ADGRB1: variants seen among roughly 807,000 people sequenced by gnomAD.
The protein encoded by ADGRB1 is brain-specific angiogenesis inhibitor 1.
In ADGRB1, 36 loss-of-function variants were observed where a neutral mutation model predicts 175.7. The ratio of observed to expected loss-of-function variants is 0.20; its 90% CI spans 0.16 to 0.27. The LOEUF is 0.27. ADGRB1 is among the 10% of genes least tolerant of loss of function. The pLI is 1.00. For missense variants in ADGRB1, 1,731 were observed against 2,255.3 expected (o/e 0.77, Z 4.71); for synonymous variants, 1,054 against 979.4 (o/e 1.08, Z -1.42).
At position 142,511,064 on chromosome 8, in the gene ADGRB1, C is replaced by A; in HGVS notation, c.2808C>A (p.Ser936Arg). 1 of 1,205,312 alleles carries A rather than the reference C, an allele frequency of 8.3e-7. No individual in the cohort carries two copies. The highest frequency in any genetic ancestry group is 1.0e-6 in the Non-Finnish European group (1 of 955,436). 74.7% of individuals were successfully genotyped at this position (1,205,312 alleles called of 1,614,324 possible). A position where few individuals can be genotyped will look rare whatever the true frequency, so the allele number is the denominator to read the frequency against. Residue 936 changes from serine (S) to arginine (R), a missense_variant, in exon 18 of 31, where the codon AGC becomes AGA. Physicochemically the swap from Ser to Arg is moderately radical, Grantham distance 110. Around this residue, in one of 8 missense-constraint regions of ADGRB1, gnomAD observed 77 missense variants for 71.6 expected, o/e 1.08. Coordinates refer to ENST00000517894, the MANE Select transcript of ADGRB1 (RefSeq NM_001702.3). This position sits in a 1 kb window ranked among gnomAD's most constrained non-coding sequence, Gnocchi z 4.5. ...LSTFAILAQLSADANMEKATL... is the reference protein window; with the variant it reads ...LSTFAILAQLRADANMEKATL... The stretch of plus-strand genomic sequence containing the variant: ...CCTTCGCCATCTTAGCCCAGCTCAG[C>A]GCCGACGCGGTGAGACCCCGGCCGG...
At chr8:142,477,596 G>A (rs751209519) in intron 6 of ADGRB1, 47 bp downstream of exon 6, 17 of 1,579,978 alleles carry the variant, frequency 1.1e-5, no homozygotes, top group Non-Finnish European at 1.1e-5. Context: ...GGAAGAAAGG[G>A]GAGGTCACAG....
chr8:142,528,029 T>A (rs1394884546), intron 24 of ADGRB1, among the ~76,000 whole-genome samples: 1 of 152,084 alleles, frequency 6.6e-6, no homozygotes, highest in Non-Finnish European at 1.5e-5. Flanking sequence ...GCACCCAGAC[T>A]CGCCTGTGTG....
chr8:142,500,823 G>T (rs1361133099), intron 17 of ADGRB1, among the ~76,000 whole-genome samples: 3 of 152,318 alleles, frequency 2.0e-5, no homozygotes, highest in Non-Finnish European at 2.9e-5. Context: ...GGAAGCAGGG[G>T]GATGGTGGAA....
At chr8:142,457,381 C>T (rs1217683864) in intron 1 of ADGRB1, among the ~76,000 whole-genome samples, 1 of 152,218 alleles carries the variant, frequency 6.6e-6, no homozygotes, top group African/African-American at 2.4e-5. Context: ...AGGGCCCCTT[C>T]TGCCTCAGCC....
chr8:142,491,552 C>T (rs1244293333), intron 17 of ADGRB1, among the ~76,000 whole-genome samples: 2 of 152,346 alleles, frequency 1.3e-5, no homozygotes, highest in Admixed American at 6.5e-5. Flanking sequence ...TAGGCCAGGA[C>T]GTGGGGAGAT....
At chr8:142,481,483 A>G in intron 10 of ADGRB1, 34 bp from the exon 11 acceptor site, 1 of 1,573,432 alleles carries the variant, frequency 6.4e-7, no homozygotes, top group Non-Finnish European at 8.6e-7. Flanking sequence ...TGTTCCACAG[A>G]GGTGAAGGCA....
rs144545988 is a variant in ADGRB1 at position 142,544,618 on chromosome 8, C to T, written c.*201C>T. The T allele has an allele frequency of 5.1e-5, 28 of 550,234 alleles. No homozygotes were observed. The highest frequency in any genetic ancestry group is 2.4e-4 in the African/African-American group (12 of 49,876). 34.1% of individuals were successfully genotyped at this position (550,234 alleles called of 1,614,324 possible). The stretch of plus-strand genomic sequence containing the variant: ...GCAGGACAGGAGGCGGCCCGGCCAG[C>T]GGGCACAGGGCACCAGAGGCCGAAG... On this transcript the variant is annotated 3_prime_UTR_variant, in exon 31 of 31. Transcript: ENST00000517894.
In ADGRB1 at chr8:142,478,322, G is replaced by T; in HGVS notation, c.1523G>T (p.Trp508Leu). The change falls in exon 7 of 31, where the codon TGG (tryptophan) becomes TTG (leucine). Residue 508 changes from tryptophan (W) to leucine (L), a missense_variant. By Grantham distance (61) the Trp-to-Leu change is moderately conservative. This residue lies in a region of ADGRB1 where 388 missense variants were observed against 630.9 expected (regional missense o/e 0.61). Transcript: ENST00000517894. ...SYGGAECQGH[W>L]VETRDCFLQQ... ...GGGGGTGCGGAGTGCCAGGGCCACT[G>T]GGTGGAGACCCGAGACTGCTTCCTG... is the stretch of plus-strand genomic sequence containing the variant. The T allele has an allele frequency of 6.2e-7, 1 of 1,609,974 alleles. No homozygotes were observed. Among genetic ancestry groups the T allele is most frequent in the Non-Finnish European group, 8.5e-7 (1 of 1,178,720 alleles).
intron 17 of ADGRB1, among the ~76,000 whole-genome samples, chr8:142,502,801 TGTG>T (rs1178751318): frequency 6.6e-6 from 1 of 151,546 alleles, no homozygotes; most frequent in Non-Finnish European, 1.5e-5. Flanking sequence ...GTGGTGAAGG[TGTG>T]GTAGCAATGG....
chr8:142,509,807 C>T (rs563332480), intron 17 of ADGRB1, among the ~76,000 whole-genome samples: 7 of 152,328 alleles, frequency 4.6e-5, no homozygotes, highest in Admixed American at 2.0e-4. Context: ...AGCTGCAGAG[C>T]TGCACCCACA....
At chr8:142,523,892 C>T (rs1442669263) in intron 22 of ADGRB1, among the ~76,000 whole-genome samples, 1 of 152,058 alleles carries the variant, frequency 6.6e-6, no homozygotes, top group African/African-American at 2.4e-5. Flanking sequence ...CGGCCAGAGA[C>T]CCCAAGAGAA....
In ADGRB1 at chr8:142,475,537, C is replaced by A; in HGVS notation, c.848C>A (p.Thr283Lys). The change falls in exon 3 of 31, where the codon ACG becomes AAG. Residue 283 changes from threonine to lysine, a missense_variant. By Grantham distance (78) the Thr-to-Lys change is moderately conservative (BLOSUM62 -1). Transcript: ENST00000517894. ...CTRDCGGGLQ[T>K]RTRTCLPAPG... ...CGGGACTGCGGGGGAGGCCTCCAGACGCGGACGCGCACCTGCCTGCCCGCG... is the reference window on the plus strand; with the variant it reads ...CGGGACTGCGGGGGAGGCCTCCAGAAGCGGACGCGCACCTGCCTGCCCGCG... 1 of 1,289,714 alleles carries A rather than the reference C, an allele frequency of 7.8e-7. No individual in the cohort carries two copies. Among genetic ancestry groups the A allele is most frequent in the Non-Finnish European group, 9.8e-7 (1 of 1,018,286 alleles). The allele number at this position is 1,289,714 out of a possible 1,614,324, so 79.9% of individuals were successfully genotyped here. A position where few individuals can be genotyped will look rare whatever the true frequency, so the allele number is the denominator to read the frequency against.
chr8:142,515,976 G>A (rs1843389971), intron 18 of ADGRB1, among the ~76,000 whole-genome samples: 1 of 152,246 alleles, frequency 6.6e-6, no homozygotes, highest in Non-Finnish European at 1.5e-5. Context: ...CCTGTGTGGA[G>A]GCAGTGGCTT....
At chr8:142,529,049 A>T (rs540860586) in intron 24 of ADGRB1, among the ~76,000 whole-genome samples, 3 of 152,352 alleles carry the variant, frequency 2.0e-5, no homozygotes, top group African/African-American at 7.2e-5. Flanking sequence ...CACGGAGCCC[A>T]GGATGGCTGA....
chr8:142,480,945 G>T (rs1841300041), intron 9 of ADGRB1, among the ~76,000 whole-genome samples: 1 of 152,156 alleles, frequency 6.6e-6, no homozygotes, highest in Non-Finnish European at 1.5e-5. Context: ...GTTAGAAGGG[G>T]CTCCGAAGGA....
intron 1 of ADGRB1, among the ~76,000 whole-genome samples, chr8:142,460,114 C>A (rs902586580): frequency 6.6e-6 from 1 of 152,288 alleles, no homozygotes; most frequent in Non-Finnish European, 1.5e-5. Flanking sequence ...TCCCTGGTCA[C>A]CCCCGGCCTT....
At position 142,537,670 on chromosome 8, in the gene ADGRB1, A is replaced by G. The variant is rs1845017488; in HGVS notation, c.3666+588A>G. Among the ~76,000 whole-genome samples, 1 of 151,912 alleles carries G rather than the reference A, an allele frequency of 6.6e-6. No individual in the cohort carries two copies. The highest frequency in any genetic ancestry group is 6.5e-5 in the Admixed American group (1 of 15,278). ...TCCCCCTGCCCATCCTGGTGTCCTCAGCGGTGTGTTCTGCACCCCCCGCCC... is the reference window on the plus strand; with the variant it reads ...TCCCCCTGCCCATCCTGGTGTCCTCGGCGGTGTGTTCTGCACCCCCCGCCC... On this transcript the variant is annotated intron_variant, in intron 26 of 30. Transcript: ENST00000517894. This position sits in a 1 kb window ranked among gnomAD's most constrained non-coding sequence, Gnocchi z 4.6.
intron 26 of ADGRB1, among the ~76,000 whole-genome samples, chr8:142,538,537 T>C (rs1845071130): frequency 6.6e-6 from 1 of 152,172 alleles, no homozygotes; most frequent in East Asian, 1.9e-4. Context: ...GATTTTGTTG[T>C]CTCCATCCAA....
In ADGRB1 at chr8:142,544,554, C is replaced by G. The variant is rs1039391636; in HGVS notation, c.*137C>G. On this transcript the variant is annotated 3_prime_UTR_variant, in exon 31 of 31. Transcript: ENST00000517894. Reference sequence around the variant, plus strand: ...CGGCCTCAGGGCGCTCAGACGGCGGCCAGGCACAGGGCCCGCAGTGCTGGG... The same window carrying G: ...CGGCCTCAGGGCGCTCAGACGGCGGGCAGGCACAGGGCCCGCAGTGCTGGG... 5 of 1,071,690 alleles carry G rather than the reference C, an allele frequency of 4.7e-6. No homozygotes were observed. The highest frequency in any genetic ancestry group is 6.2e-6 in the Non-Finnish European group (5 of 804,358). The allele number at this position is 1,071,690 out of a possible 1,614,324, so 66.4% of individuals were successfully genotyped here. A position where few individuals can be genotyped will look rare whatever the true frequency, so the allele number is the denominator to read the frequency against.
Sources: allele counts gnomAD v4.1 joint callset (sites outside exome capture counted in the v4.1 genomes callset), GRCh38; gene constraint gnomAD v4.1.1; regional missense constraint gnomAD v4.1.1; non-coding constraint Gnocchi (gnomAD v3.1); transcripts MANE v1.5; gene names NCBI Gene and HGNC (gene_info 2026-07-23, HGNC 2026-07-21).